RBM20: variants seen among roughly 807,000 people sequenced by gnomAD.
The protein encoded by RBM20 is RNA-binding protein 20.
Under a neutral mutation model 110.1 loss-of-function variants are expected in RBM20, and 51 were observed. The observed-to-expected ratio is 0.46, with a 90% CI of 0.37 to 0.59. RBM20 has a LOEUF of 0.59. Among genes scored for constraint, RBM20 ranks in the 20% least tolerant of loss-of-function variants. The probability of loss-of-function intolerance (pLI) is 0.00; values close to 1 mark genes in which losing one functional copy is unlikely to be tolerated. For synonymous variants in RBM20, 589 were observed against 618.2 expected, an observed-to-expected ratio of 0.95 and a Z score of 0.70; for missense variants, 1,512 against 1,574.9, an observed-to-expected ratio of 0.96 and a Z score of 0.68.
rs565641000 is a variant in RBM20, at chr10:110,810,743, T to C, written c.1880+281T>C. Reference sequence around the variant, plus strand: ...AATATAGGAAAAGGTCTGTTAATATTTGGCCCTTTGGGGCAAGTCTACACC... The same window carrying C: ...AATATAGGAAAAGGTCTGTTAATATCTGGCCCTTTGGGGCAAGTCTACACC... On this transcript the variant is annotated intron_variant, in intron 8 of 13. Transcript: ENST00000369519. 6.1e-4 allele frequency among the ~76,000 whole-genome samples: 93 copies of C among 152,114 alleles called. No homozygotes were observed. In the Middle Eastern group the frequency reaches 0.01, roughly 17 times the overall value.
intron 5 of RBM20, among the ~76,000 whole-genome samples, chr10:110,796,300 T>G (rs1252865666): frequency 4.6e-5 from 7 of 152,238 alleles, no homozygotes; most frequent in Admixed American, 3.9e-4. Flanking sequence ...ATTGCAAAAA[T>G]TTTTAAACAT....
At chr10:110,780,088 A>C (rs937168930) in intron 1 of RBM20, among the ~76,000 whole-genome samples, 11 of 152,178 alleles carry the variant, frequency 7.2e-5, no homozygotes, top group Non-Finnish European at 1.3e-4. Context: ...CACGTAACCA[A>C]GGGAGATTTA....
In RBM20 at chr10:110,835,681, A is replaced by G. The variant is rs115398660; in HGVS notation, c.3574-187A>G. 2,723 of 500,874 alleles carry G rather than the reference A, an allele frequency of 5.4e-3. 66 individuals carry two copies. The highest frequency in any genetic ancestry group is 0.045 in the South Asian group (1,387 of 30,642). The allele number at this position is 500,874 out of a possible 1,614,324, so 31.0% of individuals were successfully genotyped here. ...AGGAGACATGTATTACTTGCAAGCT[A>G]ACATAATGAGGTACTTAGCATAAGT... On this transcript the variant is annotated intron_variant, in intron 13 of 13. Coordinates refer to ENST00000369519, the MANE Select transcript of RBM20 (RefSeq NM_001134363.3).
chr10:110,743,541 T>TACACAC (rs56256343), intron 1 of RBM20, among the ~76,000 whole-genome samples: 28 of 150,488 alleles, frequency 1.9e-4, no homozygotes, highest in Admixed American at 3.3e-4. Flanking sequence ...AGTTTATACA[T>TACACAC]ACACACACAC....
intron 13 of RBM20, among the ~76,000 whole-genome samples, chr10:110,832,583 T>G (rs1461251237): frequency 6.6e-6 from 1 of 152,144 alleles, no homozygotes; most frequent in Non-Finnish European, 1.5e-5. Flanking sequence ...TGTTTAATAA[T>G]TAAGAAAATT....
Position 110,838,165 on chromosome 10 carries a change from A to G in RBM20, c.*2187A>G, listed in dbSNP as rs1462799327. 1 of 152,206 alleles carries G rather than the reference A, an allele frequency of 6.6e-6. No homozygotes were observed. Among genetic ancestry groups the G allele is most frequent in the African/African-American group, 2.4e-5 (1 of 41,440 alleles). 9.4% of individuals were successfully genotyped at this position (152,206 alleles called of 1,614,324 possible). Reference sequence around the variant, plus strand: ...CTTTCCTCAGCCCTTTTCTGTCTATAAAGCCAACCTCCTCCGCTCAGCTCA... The same window carrying G: ...CTTTCCTCAGCCCTTTTCTGTCTATGAAGCCAACCTCCTCCGCTCAGCTCA... On this transcript the variant is annotated 3_prime_UTR_variant, in exon 14 of 14. Transcript: ENST00000369519.
At chr10:110,701,035 A>G (rs1264373555) in intron 1 of RBM20, among the ~76,000 whole-genome samples, 1 of 152,054 alleles carries the variant, frequency 6.6e-6, no homozygotes, top group African/African-American at 2.4e-5. Flanking sequence ...AACAAAGCAA[A>G]CAAACAAACA....
intron 1 of RBM20, among the ~76,000 whole-genome samples, chr10:110,722,372 C>T (rs1371645783): frequency 6.6e-6 from 1 of 152,002 alleles, no homozygotes; most frequent in Admixed American, 6.5e-5. Context: ...CAGCATCCCC[C>T]AGCAGAGTGG....
intron 6 of RBM20, 36 bp from the exon 7 acceptor site, chr10:110,799,751 G>T: frequency 6.5e-7 from 1 of 1,539,864 alleles, no homozygotes; most frequent in South Asian, 1.2e-5. Context: ...GACCATTAAA[G>T]TCAAGTCCAG....
At chr10:110,783,276 C>A in intron 2 of RBM20, 90 bp from the exon 3 acceptor site, 1 of 992,650 alleles carries the variant, frequency 1.0e-6, no homozygotes, top group Non-Finnish European at 1.6e-6. Flanking sequence ...GCGCTCTGTG[C>A]TCCCTGCCTG....
intron 1 of RBM20, among the ~76,000 whole-genome samples, chr10:110,728,262 C>G (rs1179583702): frequency 2.0e-5 from 3 of 150,044 alleles, no homozygotes; most frequent in Non-Finnish European, 4.5e-5. Context: ...GCCTAGGTCT[C>G]CAGCCTCTCT....
chr10:110,719,704 C>T (rs757145952), intron 1 of RBM20, among the ~76,000 whole-genome samples: 2 of 151,952 alleles, frequency 1.3e-5, no homozygotes, highest in Non-Finnish European at 2.9e-5. Flanking sequence ...CAAAGAGTTT[C>T]TCCTATGTGT....
intron 1 of RBM20, among the ~76,000 whole-genome samples, chr10:110,719,924 G>A (rs1843484406): frequency 6.6e-6 from 1 of 151,800 alleles, no homozygotes; most frequent in Admixed American, 6.6e-5. Context: ...AACGGCTCTG[G>A]AGGCTGGGGC....
rs1338307495 is a variant in RBM20, at chr10:110,831,180, C to G, written c.3571C>G (p.Gln1191Glu). 1.3e-6 allele frequency: 2 copies of G among 1,550,950 alleles called. No individual in the cohort carries two copies. The highest frequency in any genetic ancestry group is 2.7e-5 in the African/African-American group (2 of 73,156). The part of the protein sequence containing the change: ...CRSAVHYRNL[Q>E]KYLSQLAEEG... ...CAGCGCTGTCCACTACAGGAACTTACAGGTAAAAATCCACTCTCCTTGCCC... is the reference window on the plus strand; with the variant it reads ...CAGCGCTGTCCACTACAGGAACTTAGAGGTAAAAATCCACTCTCCTTGCCC... Residue 1191 changes from glutamine to glutamate, a missense_variant and splice_region_variant, in exon 13 of 14, where the codon CAG (glutamine) becomes GAG (glutamate). Coordinates refer to ENST00000369519, the MANE Select transcript of RBM20 (RefSeq NM_001134363.3).
intron 1 of RBM20, among the ~76,000 whole-genome samples, chr10:110,766,842 ACACCTCCCAG>A (rs1844093653): frequency 6.7e-6 from 1 of 150,276 alleles, no homozygotes; most frequent in South Asian, 2.1e-4. Flanking sequence ...GCTGTTGGGT[ACACCTCCCAG>A]ACGGGGTGGT....
In RBM20 at chr10:110,644,565, C is replaced by T; in HGVS notation, c.111C>T (p.Gly37=). 6.5e-7 allele frequency: 1 copy of T among 1,527,224 alleles called. No homozygotes were observed. Among genetic ancestry groups the T allele is most frequent in the South Asian group, 1.2e-5 (1 of 82,406 alleles). The allele number at this position is 1,527,224 out of a possible 1,614,324, so 94.6% of individuals were successfully genotyped here. The part of the protein sequence containing the change: ...PGARASPAPS[G]PRGMQQPPPP... ...CCCGGGCGTCCCCGGCACCCTCCGG[C>T]CCGCGAGGGATGCAGCAGCCGCCGC... Residue 37 remains glycine (G), a synonymous_variant, in exon 1 of 14, where the codon GGC becomes GGT. Coordinates refer to ENST00000369519, the MANE Select transcript of RBM20 (RefSeq NM_001134363.3). This position sits in a 1 kb window ranked among gnomAD's most constrained non-coding sequence, Gnocchi z 4.3.
At chr10:110,718,984 G>A (rs141517077) in intron 1 of RBM20, among the ~76,000 whole-genome samples, 25 of 152,260 alleles carry the variant, frequency 1.6e-4, no homozygotes, top group Non-Finnish European at 2.8e-4. Flanking sequence ...TAAATAATAC[G>A]CTGTTGATGG....
chr10:110,727,406 T>TTAAAAAA (rs1843573834), intron 1 of RBM20, among the ~76,000 whole-genome samples: 1 of 78,244 alleles, frequency 1.3e-5, no homozygotes, highest in Non-Finnish European at 2.6e-5. Flanking sequence ...TCTCAAAAAA[T>TTAAAAAA]AAAAATAAAA....
At position 110,812,451 on chromosome 10, in the gene RBM20, A is replaced by C; in HGVS notation, c.2054A>C (p.Glu685Ala). 1.3e-6 allele frequency: 2 copies of C among 1,551,634 alleles called. No individual in the cohort carries two copies. The highest frequency in any genetic ancestry group is 1.7e-6 in the Non-Finnish European group (2 of 1,146,978). The change falls in exon 9 of 14, where the codon GAG becomes GCG. Residue 685 changes from glutamate to alanine, a missense_variant. Glu to Ala is a moderately radical substitution (Grantham distance 107). This residue lies in a region of RBM20 where 1,149 missense variants were observed against 1,169.4 expected (regional missense o/e 0.98). Transcript: ENST00000369519. ...GAGCACTCTCCCTATGCCAGGAGGGAGGAAGAGCGAGACCCGGCTCCCTGG... is the reference window on the plus strand; with the variant it reads ...GAGCACTCTCCCTATGCCAGGAGGGCGGAAGAGCGAGACCCGGCTCCCTGG... ...SWEHSPYARR[E>A]EERDPAPWRD...
Sources: gnomAD v4.1 joint callset for allele counts (sites outside exome capture counted in the v4.1 genomes callset) on GRCh38, gnomAD v4.1.1 for gene constraint, gnomAD v4.1.1 regional missense constraint, Gnocchi (gnomAD v3.1) non-coding constraint, MANE v1.5 for transcripts, NCBI Gene and HGNC (gene_info 2026-07-23, HGNC 2026-07-21) for gene names.